CYSLTR2: variants seen among roughly 807,000 people sequenced by gnomAD.
The protein encoded by CYSLTR2 is G-protein coupled receptor GPCR21.
For synonymous variants in CYSLTR2, 179 were observed against 160.8 expected, an observed-to-expected ratio of 1.11 and a Z score of -0.86; for missense variants, 398 against 411.9, an observed-to-expected ratio of 0.97 and a Z score of 0.29.
At chr13:48,695,391 T>TTCTTTCTC (rs71076042) in intron 3 of CYSLTR2, among the ~76,000 whole-genome samples, 39,917 of 138,104 alleles carry the variant, frequency 0.29, 5,911 homozygotes, top group East Asian at 0.36. Context: ...CTTTCTTTCT[T>TTCTTTCTC]TCTCTCTCTC....
rs558751885 is a variant in CYSLTR2 at position 48,697,039 on chromosome 13, A to G, written c.-2+413A>G. Among the ~76,000 whole-genome samples the G allele has an allele frequency of 9.8e-5, 15 of 152,348 alleles. No individual in the cohort carries two copies. The South Asian group carries it at 3.1e-3, about 32-fold the overall frequency. ...GCTCTAACTGGGTGGAGCCCACCAC[A>G]GCTCAAGGAGGCCTGTCTGCCTTTG... On this transcript the variant is annotated intron_variant, in intron 4 of 4. Coordinates refer to ENST00000682523, the MANE Select transcript of CYSLTR2 (RefSeq NM_001308476.3).
intron 1 of CYSLTR2, among the ~76,000 whole-genome samples, chr13:48,689,644 T>C (rs1003623337): frequency 6.6e-6 from 1 of 152,224 alleles, no homozygotes; most frequent in Non-Finnish European, 1.5e-5. Context: ...CACTCTGTTT[T>C]GGTTACTGTA....
chr13:48,667,741 A>G (rs961406575), intron 1 of CYSLTR2, among the ~76,000 whole-genome samples: 2 of 152,158 alleles, frequency 1.3e-5, no homozygotes, highest in Non-Finnish European at 2.9e-5. Context: ...AAAGCATCCT[A>G]TTTGCCCTTG....
At chr13:48,690,566 G>T (rs976904571) in intron 1 of CYSLTR2, among the ~76,000 whole-genome samples, 1 of 152,122 alleles carries the variant, frequency 6.6e-6, no homozygotes, top group Non-Finnish European at 1.5e-5. Flanking sequence ...TTATTGATTT[G>T]CATATGTTGA....
At chr13:48,679,659 G>T (rs1307562882) in intron 1 of CYSLTR2, among the ~76,000 whole-genome samples, 1 of 152,204 alleles carries the variant, frequency 6.6e-6, no homozygotes, top group Non-Finnish European at 1.5e-5. Context: ...AGCATAAGGA[G>T]CATAGCAGAG....
At chr13:48,661,276 G>A (rs1010985324) in intron 1 of CYSLTR2, among the ~76,000 whole-genome samples, 2 of 151,896 alleles carry the variant, frequency 1.3e-5, no homozygotes, top group Non-Finnish European at 1.5e-5. Flanking sequence ...TACTGATAAG[G>A]AGCTGACGCC....
rs61699943 is a variant in CYSLTR2 at position 48,673,433 on chromosome 13, C to CTTTTTTTTTTTTTTT, written c.-265-17768_-265-17754dup. On this transcript the variant is annotated intron_variant, in intron 1 of 4. Coordinates refer to ENST00000682523, the MANE Select transcript of CYSLTR2 (RefSeq NM_001308476.3). ...TCAGAGACTAGGATTGTAACCCCGGCTTTTTTTTTTTTTTTTTTTTTTTTT... is the reference window on the plus strand; with the variant it reads ...TCAGAGACTAGGATTGTAACCCCGGCTTTTTTTTTTTTTTTTTTTTTTTTTTTTTTTTTTTTTTTT... Among the ~76,000 whole-genome samples the CTTTTTTTTTTTTTTT allele has an allele frequency of 4.2e-3, 201 of 48,350 alleles. 1 individual carries two copies. The highest frequency in any genetic ancestry group is 0.023 in the Middle Eastern group (1 of 44). 31.7% of individuals were successfully genotyped at this position (48,350 alleles called of 152,430 possible).
intron 1 of CYSLTR2, among the ~76,000 whole-genome samples, chr13:48,681,988 T>C (rs76993509): frequency 5.3e-5 from 8 of 152,270 alleles, no homozygotes; most frequent in African/African-American, 1.4e-4. Flanking sequence ...TATATGGCCA[T>C]GTGAAAAGGG....
intron 2 of CYSLTR2, among the ~76,000 whole-genome samples, chr13:48,692,631 A>G (rs1468070416): frequency 1.3e-5 from 2 of 151,264 alleles, no homozygotes; most frequent in Non-Finnish European, 3.0e-5. Context: ...AATCAACAGG[A>G]TATTTATTCT....
chr13:48,677,742 C>T (rs866360403), intron 1 of CYSLTR2, among the ~76,000 whole-genome samples: 2 of 152,114 alleles, frequency 1.3e-5, no homozygotes, highest in African/African-American at 4.8e-5. Flanking sequence ...TCAAAAGCAT[C>T]CTCTCTCCTT....
chr13:48,692,915 T>A (rs1024078447), intron 2 of CYSLTR2, among the ~76,000 whole-genome samples: 1 of 151,832 alleles, frequency 6.6e-6, no homozygotes. Flanking sequence ...AGTGTTTTTA[T>A]GTTTATTTAG....
intron 1 of CYSLTR2, among the ~76,000 whole-genome samples, chr13:48,685,557 C>T (rs1474181969): frequency 6.6e-6 from 1 of 152,154 alleles, no homozygotes; most frequent in Non-Finnish European, 1.5e-5. Context: ...CCCTAGGAAA[C>T]TAGTACAACC....
chr13:48,690,950 C>T (rs1954023254), intron 1 of CYSLTR2, among the ~76,000 whole-genome samples: 1 of 151,998 alleles, frequency 6.6e-6, no homozygotes, highest in Non-Finnish European at 1.5e-5. Context: ...TTGGAGACCT[C>T]CTCTTTTGCA....
At chr13:48,655,326 G>A (rs1199344191) in intron 1 of CYSLTR2, among the ~76,000 whole-genome samples, 1 of 152,204 alleles carries the variant, frequency 6.6e-6, no homozygotes, top group Non-Finnish European at 1.5e-5. Flanking sequence ...CACACTGTGG[G>A]CACAGCGAAG....
intron 4 of CYSLTR2, among the ~76,000 whole-genome samples, chr13:48,701,961 C>G (rs144507391): frequency 1.3e-5 from 2 of 152,022 alleles, no homozygotes; most frequent in African/African-American, 4.8e-5. Flanking sequence ...CACATGCACA[C>G]GTATGTTTAT....
rs1954590623 is a variant in CYSLTR2, at chr13:48,709,667, G to A, written c.*1809G>A. Reference sequence around the variant, plus strand: ...TGAACACAATACATTTGAGGGAAAGGCCGTAACATGAAAGGCACCAACAAA... The same window carrying A: ...TGAACACAATACATTTGAGGGAAAGACCGTAACATGAAAGGCACCAACAAA... On this transcript the variant is annotated 3_prime_UTR_variant, in exon 5 of 5. Transcript: ENST00000682523. 1 of 152,120 alleles carries A rather than the reference G, an allele frequency of 6.6e-6. No homozygotes were observed. Among genetic ancestry groups the A allele is most frequent in the Admixed American group, 6.6e-5 (1 of 15,262 alleles). The allele number at this position is 152,120 out of a possible 1,614,324, so 9.4% of individuals were successfully genotyped here. A position where few individuals can be genotyped will look rare whatever the true frequency, so the allele number is the denominator to read the frequency against.
intron 1 of CYSLTR2, among the ~76,000 whole-genome samples, chr13:48,670,238 T>C (rs915927893): frequency 5.3e-5 from 8 of 152,250 alleles, no homozygotes; most frequent in Admixed American, 2.0e-4. Flanking sequence ...GCCTGTTCAC[T>C]CTGAAGATAG....
intron 4 of CYSLTR2, among the ~76,000 whole-genome samples, chr13:48,699,822 A>G (rs978371442): frequency 6.6e-6 from 1 of 152,222 alleles, no homozygotes; most frequent in East Asian, 1.9e-4. Context: ...TGCAATAAAA[A>G]ATAATAAAGG....
chr13:48,706,557 G>C (rs544984161), intron 4 of CYSLTR2: 1 of 397,302 alleles, frequency 2.5e-6, no homozygotes, highest in Admixed American at 4.2e-5. Context: ...TAGGTCACAA[G>C]TTCTCTAAGT....
Sources: gnomAD v4.1 joint callset for allele counts (sites outside exome capture counted in the v4.1 genomes callset) on GRCh38, gnomAD v4.1.1 for gene constraint, MANE v1.5 for transcripts, NCBI Gene and HGNC (gene_info 2026-07-23, HGNC 2026-07-21) for gene names.